The following SAMD3 variants were observed in gnomAD, a reference collection of about 807,000 sequenced individuals.
SAMD3 encodes sterile alpha motif domain containing 3.
In SAMD3, 63 loss-of-function variants were observed where a neutral mutation model predicts 58.5. The ratio of observed to expected loss-of-function variants is 1.08; its 90% CI spans 0.88 to 1.33. The LOEUF (loss-of-function observed/expected upper bound fraction) is 1.33, where lower values mean the gene tolerates loss of function less well. SAMD3 is among the 40% of genes most tolerant of loss of function. The pLI, the probability that SAMD3 is intolerant of heterozygous loss-of-function variation, is 0.00. For missense variants in SAMD3, 604 were observed against 608.4 expected (o/e 0.99, Z 0.08); for synonymous variants, 220 against 210.3 (o/e 1.05, Z -0.40).
chr6:130,217,405 G>A (rs980194976), intron 1 of SAMD3, among the ~76,000 whole-genome samples: 1 of 152,018 alleles, frequency 6.6e-6, no homozygotes, highest in Admixed American at 6.5e-5. Flanking sequence ...GTTGAATAGT[G>A]GTATCATTTT....
chr6:130,351,409 G>A (rs1777659131), intron 1 of SAMD3, among the ~76,000 whole-genome samples: 1 of 152,078 alleles, frequency 6.6e-6, no homozygotes, highest in African/African-American at 2.4e-5. Flanking sequence ...ATCAAAAAGT[G>A]GGCAAAGGAT....
At chr6:130,225,190 C>A (rs1796355292), upstream of SAMD3, among the ~76,000 whole-genome samples, 3 of 152,146 alleles carry the variant, frequency 2.0e-5, no homozygotes, top group Non-Finnish European at 1.5e-5. Flanking sequence ...CAGTTTAGGT[C>A]CTGCTATTTG....
intron 1 of SAMD3, among the ~76,000 whole-genome samples, chr6:130,315,073 A>G (rs969592752): frequency 1.3e-5 from 2 of 152,104 alleles, no homozygotes; most frequent in South Asian, 2.1e-4. Flanking sequence ...CTTTCAAGCT[A>G]ATGAGCATTG....
At chr6:130,178,311 C>A (rs1791930062) in intron 7 of SAMD3, among the ~76,000 whole-genome samples, 1 of 151,028 alleles carries the variant, frequency 6.6e-6, no homozygotes, top group African/African-American at 2.5e-5. Flanking sequence ...TGCCTTAGGG[C>A]TGCTTCTGCT....
intron 7 of SAMD3, among the ~76,000 whole-genome samples, chr6:130,177,435 T>A (rs71572913): frequency 0.095 from 14,399 of 152,112 alleles, 1,079 homozygotes; most frequent in African/African-American, 0.21. Context: ...CCCCTGGACT[T>A]CTACCTCAAT....
chr6:130,209,171 T>C (rs2114822268), intron 5 of SAMD3, among the ~76,000 whole-genome samples: 1 of 152,340 alleles, frequency 6.6e-6, no homozygotes, highest in African/African-American at 2.4e-5. Context: ...CTATAGAACA[T>C]TATTCATTGA....
intron 8 of SAMD3, among the ~76,000 whole-genome samples, chr6:130,158,925 G>A (rs967679277): frequency 6.6e-6 from 1 of 152,186 alleles, no homozygotes; most frequent in Non-Finnish European, 1.5e-5. Flanking sequence ...TACACTCTAT[G>A]CAAATGTCTG....
intron 1 of SAMD3, among the ~76,000 whole-genome samples, chr6:130,315,497 A>C (rs1389971528): frequency 6.6e-6 from 1 of 152,144 alleles, no homozygotes; most frequent in African/African-American, 2.4e-5. Context: ...AACTCTCAAG[A>C]AGGCTATGAG....
intron 1 of SAMD3, among the ~76,000 whole-genome samples, chr6:130,353,381 C>G (rs1041685025): frequency 3.3e-5 from 5 of 152,098 alleles, no homozygotes; most frequent in Non-Finnish European, 7.4e-5. Flanking sequence ...GACATAAGCA[C>G]CTAACACATG....
At chr6:130,365,395 G>A (rs1778109325) in exon 1 of SAMD3, 2 of 985,532 alleles carry the variant, frequency 2.0e-6, no homozygotes, top group South Asian at 4.7e-5. Context: ...GGCGGGAAGC[G>A]TGGACGGAGC....
chr6:130,174,711 CAA>C (rs1791565829), intron 8 of SAMD3, among the ~76,000 whole-genome samples: 1 of 152,178 alleles, frequency 6.6e-6, no homozygotes. Flanking sequence ...TGGAATTTTT[CAA>C]AGTTTCTAAA....
intron 1 of SAMD3, among the ~76,000 whole-genome samples, chr6:130,340,539 A>C (rs1777237265): frequency 6.6e-6 from 1 of 152,230 alleles, no homozygotes. Flanking sequence ...ATACAACATG[A>C]CATAGTCACA....
chr6:130,298,450 TA>T lies in SAMD3; in HGVS notation c.-188+14527del, dbSNP rs1775641219. 3.3e-5 allele frequency among the ~76,000 whole-genome samples: 5 copies of T among 152,182 alleles called. No individual in the cohort carries two copies. The South Asian group carries it at 1.0e-3, about 32-fold the overall frequency. On this transcript the variant is annotated intron_variant, in intron 2 of 13. Coordinates refer to the SAMD3 transcript ENST00000368134. ...AGCACACATAAGTACACAGATCATATAAGGCAATTATATAATTGAGACTACA... is the reference window on the plus strand; with the variant it reads ...AGCACACATAAGTACACAGATCATATAGGCAATTATATAATTGAGACTACA...
At chr6:130,295,621 T>C (rs1020151634) in intron 2 of SAMD3, among the ~76,000 whole-genome samples, 11 of 152,146 alleles carry the variant, frequency 7.2e-5, no homozygotes, top group African/African-American at 2.7e-4. Context: ...GCTTAGGCCT[T>C]TCCACTGACA....
chr6:130,348,998 A>T (rs1367232156), intron 1 of SAMD3, among the ~76,000 whole-genome samples: 1 of 152,124 alleles, frequency 6.6e-6, no homozygotes, highest in Non-Finnish European at 1.5e-5. Context: ...TAACGAAATG[A>T]AGGCAGAAAT....
At chr6:130,292,712 A>G (rs1195055831) in intron 2 of SAMD3, among the ~76,000 whole-genome samples, 1 of 150,586 alleles carries the variant, frequency 6.6e-6, no homozygotes, top group African/African-American at 2.4e-5. Context: ...TCCACCTCCC[A>G]GGTTCACACC....
chr6:130,159,632 A>T (rs1456289011), intron 8 of SAMD3: 1 of 152,234 alleles, frequency 6.6e-6, no homozygotes, highest in African/African-American at 2.4e-5. Flanking sequence ...AAGACAAATG[A>T]TTGATAACTC....
chr6:130,365,384 C>G (rs905773018), exon 1 of SAMD3: 2 of 985,534 alleles, frequency 2.0e-6, no homozygotes, highest in Non-Finnish European at 2.4e-6. Flanking sequence ...CTTGCCGGGC[C>G]GGCGGGAAGC....
intron 2 of SAMD3, among the ~76,000 whole-genome samples, chr6:130,263,825 T>C (rs1401241474): frequency 6.6e-6 from 1 of 152,118 alleles, no homozygotes; most frequent in Non-Finnish European, 1.5e-5. Flanking sequence ...GAGATTTCGA[T>C]AAAGACCCCA....
Sources: gnomAD v4.1 joint callset for allele counts (sites outside exome capture counted in the v4.1 genomes callset) on GRCh38, gnomAD v4.1.1 for gene constraint, MANE v1.5 for transcripts, NCBI Gene and HGNC (gene_info 2026-07-23, HGNC 2026-07-21) for gene names.